UMAD1: variants seen among roughly 807,000 people sequenced by gnomAD.
UMAD1 encodes the protein UBAP1-MVB12-associated (UMA) domain containing 1, also known as UBAP1-MVB12-associated (UMA)-domain containing protein 1.
A neutral mutation model predicts 6.1 loss-of-function variants in UMAD1; 8 were observed. The observed-to-expected ratio is 1.30, with a 90% CI of 0.76 to 2.35. The LOEUF (loss-of-function observed/expected upper bound fraction) is 2.35. UMAD1 is among the 30% of genes most tolerant of loss of function. The probability of loss-of-function intolerance (pLI) is 0.00; values close to 1 mark genes in which losing one functional copy is unlikely to be tolerated. For synonymous variants in UMAD1, 56 were observed against 31.4 expected (o/e 1.78, Z -2.61); for missense variants, 130 against 78.4 (o/e 1.66, Z -2.49).
intron 3 of UMAD1, among the ~76,000 whole-genome samples, chr7:7,829,151 A>T (rs148525763): frequency 3.9e-5 from 6 of 152,306 alleles, no homozygotes; most frequent in Admixed American, 1.3e-4. Flanking sequence ...TTGGCCTTGT[A>T]TAGGGCGTCT....
chr7:7,747,958 T>C (rs1781604587), intron 2 of UMAD1, among the ~76,000 whole-genome samples: 1 of 152,180 alleles, frequency 6.6e-6, no homozygotes, highest in Admixed American at 6.5e-5. Flanking sequence ...ATATGTTTTA[T>C]GATTATATAT....
At chr7:7,821,757 C>A (rs1047673947) in intron 3 of UMAD1, among the ~76,000 whole-genome samples, 10 of 152,134 alleles carry the variant, frequency 6.6e-5, no homozygotes. Flanking sequence ...AATGAGTGAA[C>A]TGTACCTACT....
At chr7:7,688,134 G>T (rs943725723) in intron 2 of UMAD1, among the ~76,000 whole-genome samples, 1 of 152,182 alleles carries the variant, frequency 6.6e-6, no homozygotes, top group African/African-American at 2.4e-5. Context: ...TTTTAGGTTT[G>T]TATTTTTGGG....
chr7:7,682,922 A>G (rs190406848), intron 2 of UMAD1, among the ~76,000 whole-genome samples: 13 of 152,266 alleles, frequency 8.5e-5, no homozygotes, highest in African/African-American at 3.1e-4. Context: ...AATTAACAGT[A>G]TTTTCAGTCA....
chr7:7,745,593 G>A (rs1380961654), intron 2 of UMAD1, among the ~76,000 whole-genome samples: 1 of 152,218 alleles, frequency 6.6e-6, no homozygotes, highest in Non-Finnish European at 1.5e-5. Flanking sequence ...TAAGCTTATA[G>A]TCTAGCGAAC....
chr7:7,814,651 TTTTTA>T (rs57370401), intron 3 of UMAD1, among the ~76,000 whole-genome samples: 43,927 of 151,818 alleles, frequency 0.29, 6,401 homozygotes, highest in Admixed American at 0.33. Flanking sequence ...TAGAGTGTAC[TTTTTA>T]TTTTAATAGG....
At chr7:7,669,733 A>T (rs995805759) in intron 1 of UMAD1, among the ~76,000 whole-genome samples, 1 of 152,210 alleles carries the variant, frequency 6.6e-6, no homozygotes, top group Non-Finnish European at 1.5e-5. Flanking sequence ...TGGTGGTCAG[A>T]TTGGTGGAGT....
At chr7:7,781,663 G>T (rs1026124267) in intron 2 of UMAD1, among the ~76,000 whole-genome samples, 7 of 151,958 alleles carry the variant, frequency 4.6e-5, no homozygotes, top group Non-Finnish European at 1.0e-4. Context: ...TACTGGGAAT[G>T]AGATATTTTG....
chr7:7,756,803 A>G (rs1204570850), intron 2 of UMAD1, among the ~76,000 whole-genome samples: 2 of 152,208 alleles, frequency 1.3e-5, no homozygotes, highest in African/African-American at 4.8e-5. Context: ...TGTTTTACCA[A>G]TCATATGTAG....
chr7:7,712,329 A>C (rs937119481), intron 2 of UMAD1, among the ~76,000 whole-genome samples: 1 of 152,158 alleles, frequency 6.6e-6, no homozygotes, highest in African/African-American at 2.4e-5. Context: ...TACAATATTT[A>C]GTCTTCTTCA....
intron 2 of UMAD1, among the ~76,000 whole-genome samples, chr7:7,691,282 A>C (rs1780166556): frequency 6.6e-6 from 1 of 152,340 alleles, no homozygotes; most frequent in South Asian, 2.1e-4. Context: ...CAAGGAAAAA[A>C]ACTTGTAAAC....
intron 2 of UMAD1, among the ~76,000 whole-genome samples, chr7:7,755,765 C>A (rs896851750): frequency 6.6e-6 from 1 of 152,154 alleles, no homozygotes; most frequent in African/African-American, 2.4e-5. Flanking sequence ...CAAAAACATG[C>A]TGGCTAAGTA....
At chr7:7,682,640 A>T (rs1001373419) in intron 2 of UMAD1, among the ~76,000 whole-genome samples, 2 of 152,182 alleles carry the variant, frequency 1.3e-5, no homozygotes, top group Admixed American at 1.3e-4. Flanking sequence ...TCCTATTTTT[A>T]TTGCCTGTTC....
At chr7:7,791,414 A>G (rs1469745948) in intron 2 of UMAD1, among the ~76,000 whole-genome samples, 1 of 152,218 alleles carries the variant, frequency 6.6e-6, no homozygotes, top group Non-Finnish European at 1.5e-5. Flanking sequence ...ATTTACTCTG[A>G]CATGGGAAAG....
intron 2 of UMAD1, among the ~76,000 whole-genome samples, chr7:7,770,085 G>A (rs1262545959): frequency 6.6e-6 from 1 of 151,980 alleles, no homozygotes; most frequent in African/African-American, 2.4e-5. Flanking sequence ...TTCCAAACTG[G>A]AACCGCTGTT....
At chr7:7,746,357 A>G (rs1315322007) in intron 2 of UMAD1, among the ~76,000 whole-genome samples, 2 of 152,234 alleles carry the variant, frequency 1.3e-5, no homozygotes, top group African/African-American at 2.4e-5. Context: ...ACAACCTGAT[A>G]TGTTGAGTTG....
chr7:7,748,138 GT>G (rs1174870399), intron 2 of UMAD1, among the ~76,000 whole-genome samples: 1 of 146,356 alleles, frequency 6.8e-6, no homozygotes, highest in Non-Finnish European at 1.5e-5. Flanking sequence ...TAGAGACGGG[GT>G]TTCACCATGT....
chr7:7,668,797 A>G lies in UMAD1; in HGVS notation c.-63-4512A>G, dbSNP rs145460670. Among the ~76,000 whole-genome samples, 374 of 152,314 alleles carry G rather than the reference A, an allele frequency of 2.5e-3. 1 individual carries two copies. The highest frequency in any genetic ancestry group is 6.8e-3 in the Middle Eastern group (2 of 294). On this transcript the variant is annotated intron_variant, in intron 1 of 3. Transcript: ENST00000682710. ...AACAAGTAAGATAATTATTTACCCA[A>G]TTATTCTAGTTAAGTGCTACAGCTG...
intron 2 of UMAD1, among the ~76,000 whole-genome samples, chr7:7,727,705 TA>T (rs2115188932): frequency 6.6e-6 from 1 of 152,322 alleles, no homozygotes; most frequent in Admixed American, 6.5e-5. Flanking sequence ...GTGAAAAGGC[TA>T]GACAGGCTTA....
Sources: allele counts gnomAD v4.1 joint callset (sites outside exome capture counted in the v4.1 genomes callset), GRCh38; gene constraint gnomAD v4.1.1; transcripts MANE v1.5; gene names NCBI Gene and HGNC (gene_info 2026-07-23, HGNC 2026-07-21).